CACNA1D: variants seen among roughly 807,000 people sequenced by gnomAD.
CACNA1D encodes calcium voltage-gated channel subunit alpha1 D.
CACNA1D carries 55 observed loss-of-function variants against 257.1 expected under a neutral mutation model. The ratio of observed to expected loss-of-function variants is 0.21; its 90% CI spans 0.17 to 0.27. The LOEUF (loss-of-function observed/expected upper bound fraction) is 0.27. Ranked by LOEUF, CACNA1D falls within the 10% of genes least tolerant of loss-of-function variation. The pLI is 1.00. For missense variants in CACNA1D, 1,876 were observed against 2,784.0 expected (o/e 0.67, Z 7.34); for synonymous variants, 980 against 1,014.9 (o/e 0.97, Z 0.65).
At chr3:53,718,599 C>T in intron 10 of CACNA1D, 1 of 1,042,332 alleles carries the variant, frequency 9.6e-7, no homozygotes, top group South Asian at 1.4e-5. Flanking sequence ...CGCCCCCCGG[C>T]CCAGCATTTC....
Position 53,723,410 on chromosome 3 carries a change from A to G in CACNA1D, c.1667-24A>G. On this transcript the variant is annotated intron_variant, in intron 12 of 47. Transcript: ENST00000350061. This position sits in a 1 kb window ranked among gnomAD's most constrained non-coding sequence, Gnocchi z 5.6. ...GAGTGTCTTGCAGGAGACCCTGAGGATGGGTGCCCCTTTGTCTTTCCAGAT... is the reference window on the plus strand; with the variant it reads ...GAGTGTCTTGCAGGAGACCCTGAGGGTGGGTGCCCCTTTGTCTTTCCAGAT... The G allele has an allele frequency of 6.3e-7, 1 of 1,580,252 alleles. No homozygotes were observed. Among genetic ancestry groups the G allele is most frequent in the Non-Finnish European group, 8.7e-7 (1 of 1,149,062 alleles).
intron 3 of CACNA1D, among the ~76,000 whole-genome samples, chr3:53,577,732 G>A (rs1490773804): frequency 6.6e-6 from 1 of 152,166 alleles, no homozygotes; most frequent in East Asian, 1.9e-4. Context: ...AGGGCTGTGA[G>A]GCAATGCAGG....
intron 8 of CACNA1D, among the ~76,000 whole-genome samples, chr3:53,700,830 GA>G (rs1225178354): frequency 6.7e-6 from 1 of 148,976 alleles, no homozygotes; most frequent in Non-Finnish European, 1.5e-5. Flanking sequence ...CTATGAGAGG[GA>G]TCCTTTCTTT....
At chr3:53,509,360 G>A (rs940179535) in intron 3 of CACNA1D, among the ~76,000 whole-genome samples, 3 of 152,040 alleles carry the variant, frequency 2.0e-5, no homozygotes, top group African/African-American at 7.2e-5. Context: ...GGTGGAGGTG[G>A]GCATTGTTGA....
intron 32 of CACNA1D, 53 bp from the exon 33 acceptor site, chr3:53,772,780 G>A: frequency 7.2e-6 from 10 of 1,389,150 alleles, no homozygotes; most frequent in Non-Finnish European, 1.0e-5. Flanking sequence ...GCTGTGGCGG[G>A]CCGTCACGGG....
intron 8 of CACNA1D, among the ~76,000 whole-genome samples, chr3:53,677,549 G>A (rs1007320591): frequency 1.3e-5 from 2 of 152,264 alleles, no homozygotes; most frequent in Non-Finnish European, 2.9e-5. Flanking sequence ...TGGGAAGGGT[G>A]CAGGGTACTC....
intron 20 of CACNA1D, among the ~76,000 whole-genome samples, chr3:53,736,075 T>C (rs918729416): frequency 2.6e-5 from 4 of 152,172 alleles, no homozygotes; most frequent in Non-Finnish European, 5.9e-5. Flanking sequence ...GTGCACTGGC[T>C]CACACCTGTA....
intron 3 of CACNA1D, among the ~76,000 whole-genome samples, chr3:53,583,248 T>C (rs760592287): frequency 3.9e-5 from 6 of 151,984 alleles, no homozygotes; most frequent in Non-Finnish European, 8.8e-5. Context: ...TTTTAATTGC[T>C]ACCTCTAGGA....
intron 33 of CACNA1D, 40 bp downstream of exon 33, chr3:53,772,938 G>C (rs764595904): frequency 6.5e-7 from 1 of 1,539,184 alleles, no homozygotes; most frequent in Non-Finnish European, 9.0e-7. Flanking sequence ...CCCTTTCACT[G>C]GGTAGCCCCA....
chr3:53,598,302 A>G (rs2093396636), intron 3 of CACNA1D, among the ~76,000 whole-genome samples: 1 of 152,076 alleles, frequency 6.6e-6, no homozygotes, highest in Admixed American at 6.5e-5. Flanking sequence ...CTGGCTGGGC[A>G]TGGTGGCTCA....
rs906956992 is a variant in CACNA1D, at chr3:53,813,659, A to G, written c.*2253A>G. 6 of 152,208 alleles carry G rather than the reference A, an allele frequency of 3.9e-5. No homozygotes were observed. Among genetic ancestry groups the G allele is most frequent in the African/African-American group, 9.6e-5 (4 of 41,458 alleles). The allele number at this position is 152,208 out of a possible 1,614,324, so 9.4% of individuals were successfully genotyped here. On this transcript the variant is annotated 3_prime_UTR_variant, in exon 48 of 48. Transcript: ENST00000350061. ...ACAAACTGGCATTCTTACAGGCTGC[A>G]CCATTTCCTAGTATGTCTGCTTTAA...
intron 3 of CACNA1D, among the ~76,000 whole-genome samples, chr3:53,553,759 G>A (rs182040053): frequency 3.9e-5 from 6 of 152,090 alleles, no homozygotes; most frequent in Admixed American, 3.9e-4. Flanking sequence ...ACAGTCAACA[G>A]ATTTGATTCC....
Position 53,743,019 on chromosome 3 carries a change from T to G in CACNA1D, c.2820T>G (p.Thr940=), listed in dbSNP as rs1306597869. 1 of 1,610,944 alleles carries G rather than the reference T, an allele frequency of 6.2e-7. No homozygotes were observed. Among genetic ancestry groups the G allele is most frequent in the Middle Eastern group, 1.7e-4 (1 of 6,056 alleles). ...FTVEILLKMT[T]FGAFLHKGAF... Reference sequence around the variant, plus strand: ...CATGATTCTGCTTCTAGATGACAACTTTTGGAGCTTTCCTCCACAAAGGGG... The same window carrying G: ...CATGATTCTGCTTCTAGATGACAACGTTTGGAGCTTTCCTCCACAAAGGGG... The change falls in exon 22 of 48, where the codon ACT becomes ACG. Residue 940 remains threonine, a synonymous_variant. Coordinates refer to ENST00000350061, the MANE Select transcript of CACNA1D (RefSeq NM_001128840.3).
chr3:53,751,841 C>T lies in CACNA1D; in HGVS notation c.3609C>T (p.Asn1203=), dbSNP rs374113815. ...PYQYKFWYVV[N]SSPFEYMMFV... ...AGTACAAGTTCTGGTACGTGGTGAA[C>T]TCTTCGCCTTTCGAATACATGATGT... The change falls in exon 28 of 48, where the codon AAC becomes AAT. Residue 1203 remains asparagine, a synonymous_variant. Transcript: ENST00000350061. The surrounding 1 kb of genome is among the most constrained non-coding windows in gnomAD (Gnocchi z 4.3). 6.2e-7 allele frequency: 1 copy of T among 1,613,954 alleles called. No homozygotes were observed. Among genetic ancestry groups the T allele is most frequent in the Non-Finnish European group, 8.5e-7 (1 of 1,179,962 alleles).
chr3:53,538,104 A>AATGTTTG (rs1276570307), intron 3 of CACNA1D, among the ~76,000 whole-genome samples: 1 of 146,102 alleles, frequency 6.8e-6, no homozygotes, highest in Non-Finnish European at 1.5e-5. Flanking sequence ...TATTGGCTTA[A>AATGTTTG]ATGTTTGATT....
At chr3:53,586,720 C>A (rs2093223829) in intron 3 of CACNA1D, among the ~76,000 whole-genome samples, 1 of 152,110 alleles carries the variant, frequency 6.6e-6, no homozygotes, top group African/African-American at 2.4e-5. Flanking sequence ...TAAATATTTC[C>A]ATCTTACAGA....
At chr3:53,739,798 A>G (rs2095097279) in intron 20 of CACNA1D, among the ~76,000 whole-genome samples, 1 of 152,184 alleles carries the variant, frequency 6.6e-6, no homozygotes, top group Admixed American at 6.5e-5. Context: ...GAGGGGGCAT[A>G]TGGAAGCTAC....
At chr3:53,528,465 C>T (rs2091838889) in intron 3 of CACNA1D, among the ~76,000 whole-genome samples, 2 of 152,108 alleles carry the variant, frequency 1.3e-5, no homozygotes, top group Admixed American at 1.3e-4. Context: ...TATATAAGTT[C>T]TTCCATTTTT....
intron 19 of CACNA1D, among the ~76,000 whole-genome samples, chr3:53,734,177 A>T (rs1438079324): frequency 6.6e-6 from 1 of 151,288 alleles, no homozygotes; most frequent in African/African-American, 2.4e-5. Context: ...CCAGCATTAA[A>T]TAGGCCCAAA....
Sources: gnomAD v4.1 joint callset for allele counts (sites outside exome capture counted in the v4.1 genomes callset) on GRCh38, gnomAD v4.1.1 for gene constraint, Gnocchi (gnomAD v3.1) non-coding constraint, MANE v1.5 for transcripts, NCBI Gene and HGNC (gene_info 2026-07-23, HGNC 2026-07-21) for gene names.